The following IMPG2 variants were observed in gnomAD, a reference collection of about 807,000 sequenced individuals.
The protein encoded by IMPG2 is interphotoreceptor matrix proteoglycan 2, also known as IPM 200.
Under a neutral mutation model 129.2 loss-of-function variants are expected in IMPG2, and 91 were observed. That is an observed-to-expected ratio of 0.70 (90% CI 0.59 to 0.84). The LOEUF is 0.84. Among genes scored for constraint, IMPG2 ranks in the 40% least tolerant of loss-of-function variants. The pLI, the probability that IMPG2 is intolerant of heterozygous loss-of-function variation, is 0.00. For synonymous variants in IMPG2, 510 were observed against 517.7 expected, an observed-to-expected ratio of 0.99 and a Z score of 0.20; for missense variants, 1,430 against 1,461.7, an observed-to-expected ratio of 0.98 and a Z score of 0.35.
rs1219062228 is a variant in IMPG2 at position 101,243,785 on chromosome 3, T to C, written c.2546A>G (p.Tyr849Cys). Residue 849 changes from tyrosine to cysteine, a missense_variant, in exon 13 of 19, where the codon TAC becomes TGC. Coordinates refer to ENST00000193391, the MANE Select transcript of IMPG2 (RefSeq NM_016247.4). ...SLELDRIGTD[Y>C]YQPEQVQEQN... ...CTCTTGGACTTGCTCAGGCTGATAG[T>C]AATCTGTGCCTATCCGGTCCAGTTC... 1 of 1,614,082 alleles carries C rather than the reference T, an allele frequency of 6.2e-7. No homozygotes were observed. The highest frequency in any genetic ancestry group is 2.2e-5 in the East Asian group (1 of 44,874).
intron 7 of IMPG2, among the ~76,000 whole-genome samples, 186 bp from the exon 8 acceptor site, chr3:101,269,759 C>CT (rs1706760158): frequency 6.6e-6 from 1 of 151,704 alleles, no homozygotes; most frequent in Non-Finnish European, 1.5e-5. Flanking sequence ...CCACATTTTT[C>CT]TTTTTCATTT....
At chr3:101,279,399 C>T (rs1227630415) in intron 4 of IMPG2, among the ~76,000 whole-genome samples, 1 of 152,144 alleles carries the variant, frequency 6.6e-6, no homozygotes, top group East Asian at 1.9e-4. Flanking sequence ...TGCCAGAAAC[C>T]TCATTCTTAC....
At chr3:101,248,701 C>G (rs1409779375) in intron 11 of IMPG2, among the ~76,000 whole-genome samples, 1 of 152,216 alleles carries the variant, frequency 6.6e-6, no homozygotes, top group Non-Finnish European at 1.5e-5. Flanking sequence ...ACAGTTTCAT[C>G]TACCATCTTA....
chr3:101,313,460 T>C (rs1338039851), intron 2 of IMPG2, among the ~76,000 whole-genome samples: 1 of 152,162 alleles, frequency 6.6e-6, no homozygotes, highest in Non-Finnish European at 1.5e-5. Context: ...TAGCCTTTGG[T>C]AACTTCTGAA....
At chr3:101,261,398 A>G (rs1706668431) in intron 9 of IMPG2, among the ~76,000 whole-genome samples, 1 of 152,168 alleles carries the variant, frequency 6.6e-6, no homozygotes, top group South Asian at 2.1e-4. Flanking sequence ...TATGCCTTGC[A>G]TGACTTTTAA....
intron 2 of IMPG2, among the ~76,000 whole-genome samples, chr3:101,318,623 G>A (rs1388032801): frequency 6.6e-6 from 1 of 152,036 alleles, no homozygotes; most frequent in Non-Finnish European, 1.5e-5. Context: ...TCCAGTGCCT[G>A]GAAAATTCGG....
At chr3:101,256,145 AAAAGAAAGAAAGAAAGAAAGAAAG>A (rs57933330) in intron 10 of IMPG2, among the ~76,000 whole-genome samples, 263 of 77,570 alleles carry the variant, frequency 3.4e-3, no homozygotes, top group South Asian at 0.011. Context: ...AGAAAGAAAG[AAAAGAAAGAAAGAAAGAAAGAAAG>A]AAAGAAAGAA....
chr3:101,251,354 T>C (rs1212223075), intron 11 of IMPG2, among the ~76,000 whole-genome samples: 1 of 152,192 alleles, frequency 6.6e-6, no homozygotes, highest in Non-Finnish European at 1.5e-5. Context: ...ACAACTTGAC[T>C]TTTCAAATAA....
intron 13 of IMPG2, 76 bp from the exon 14 acceptor site, chr3:101,242,983 C>T: frequency 4.2e-6 from 5 of 1,184,988 alleles, no homozygotes; most frequent in Non-Finnish European, 6.3e-6. Context: ...CAAAACAAAA[C>T]AAAAACACAG....
intron 3 of IMPG2, among the ~76,000 whole-genome samples, chr3:101,292,463 G>A (rs1707029563): frequency 6.6e-6 from 1 of 152,132 alleles, no homozygotes; most frequent in African/African-American, 2.4e-5. Context: ...TCTAAAAAAG[G>A]TATATACCTT....
In IMPG2 at chr3:101,319,590, C is replaced by A. The variant is rs1162218546; in HGVS notation, c.328G>T (p.Val110Phe). 1.9e-6 allele frequency: 3 copies of A among 1,613,498 alleles called. No homozygotes were observed. The South Asian group carries it at 3.3e-5, about 18-fold the overall frequency. ...GATTTGGATGTTCGCTTACCTCGGACTTTAAAATACTTCACATGATTTGCC... is the reference window on the plus strand; with the variant it reads ...GATTTGGATGTTCGCTTACCTCGGAATTTAAAATACTTCACATGATTTGCC... The part of the protein sequence containing the change: ...AVANHVKYFK[V>F]RVCQEAVWEA... Residue 110 changes from valine (V) to phenylalanine (F), a missense_variant, in exon 2 of 19, where the codon GTC (valine) becomes TTC (phenylalanine). Transcript: ENST00000193391.
intron 14 of IMPG2, among the ~76,000 whole-genome samples, chr3:101,234,980 T>C (rs1259492995): frequency 6.6e-6 from 1 of 152,242 alleles, no homozygotes; most frequent in Non-Finnish European, 1.5e-5. Flanking sequence ...CATAATGAGA[T>C]ATCTTGGGGA....
intron 9 of IMPG2, among the ~76,000 whole-genome samples, chr3:101,263,352 A>G (rs1706690239): frequency 6.6e-6 from 1 of 152,098 alleles, no homozygotes; most frequent in Admixed American, 6.6e-5. Flanking sequence ...AATTATATCA[A>G]GTATCTTACC....
At chr3:101,299,360 T>C (rs1339257556) in intron 3 of IMPG2, among the ~76,000 whole-genome samples, 2 of 152,208 alleles carry the variant, frequency 1.3e-5, no homozygotes, top group African/African-American at 4.8e-5. Flanking sequence ...CAGCTGTGTT[T>C]GTTATTACCC....
intron 2 of IMPG2, among the ~76,000 whole-genome samples, chr3:101,313,979 CTAA>C (rs2058770117): frequency 6.6e-6 from 1 of 151,930 alleles, no homozygotes; most frequent in Admixed American, 6.6e-5. Flanking sequence ...TAAAATATCA[CTAA>C]TAATAGATGA....
At position 101,231,004 on chromosome 3, in the gene IMPG2, C is replaced by T. The variant is rs367649636; in HGVS notation, c.3375G>A (p.Arg1125=). 1.2e-6 allele frequency: 2 copies of T among 1,613,968 alleles called. No homozygotes were observed. The highest frequency in any genetic ancestry group is 1.7e-6 in the Non-Finnish European group (2 of 1,179,906). ...IFSAIIYFFI[R]TLQAHHDRSE... is the part of the protein sequence containing the mutation. ...TCCTGTCATGGTGTGCTTGGAGAGT[C>T]CTGATGAAGAAGTAGATGATAGCAG... Residue 1125 remains arginine (R), a synonymous_variant, in exon 16 of 19, where the codon AGG becomes AGA. Transcript: ENST00000193391.
intron 15 of IMPG2, among the ~76,000 whole-genome samples, chr3:101,231,663 C>T (rs1189016703): frequency 1.3e-5 from 2 of 152,254 alleles, no homozygotes; most frequent in Non-Finnish European, 2.9e-5. Context: ...TATCCTTCTT[C>T]ATATAGAAGA....
intron 16 of IMPG2, among the ~76,000 whole-genome samples, 181 bp from the exon 17 acceptor site, chr3:101,229,771 T>G (rs1361292605): frequency 6.6e-6 from 1 of 152,262 alleles, no homozygotes; most frequent in Non-Finnish European, 1.5e-5. Context: ...GTTATCATTA[T>G]GATTTCCTCA....
rs1483143381 is a variant in IMPG2 at position 101,225,331 on chromosome 3, A to G, written c.*1638T>C. The G allele has an allele frequency of 6.6e-6, 1 of 152,278 alleles. No individual in the cohort carries two copies. Among genetic ancestry groups the G allele is most frequent in the Non-Finnish European group, 1.5e-5 (1 of 68,062 alleles). 9.4% of individuals were successfully genotyped at this position (152,278 alleles called of 1,614,324 possible). A position where few individuals can be genotyped will look rare whatever the true frequency, so the allele number is the denominator to read the frequency against. On this transcript the variant is annotated 3_prime_UTR_variant, in exon 19 of 19. Coordinates refer to ENST00000193391, the MANE Select transcript of IMPG2 (RefSeq NM_016247.4). ...TAGAGGATCCATTATGTGAGTAGGG[A>G]ATGAAAGGAAATGCTAGGATAAGGG... is the stretch of plus-strand genomic sequence containing the variant.
Sources: allele counts gnomAD v4.1 joint callset (sites outside exome capture counted in the v4.1 genomes callset), GRCh38; gene constraint gnomAD v4.1.1; transcripts MANE v1.5; gene names NCBI Gene and HGNC (gene_info 2026-07-23, HGNC 2026-07-21).